Variants in ERBB3 observed in about 807,000 individuals in gnomAD.
ERBB3 encodes the protein erb-b2 receptor tyrosine kinase 3.
A neutral mutation model predicts 156.7 loss-of-function variants in ERBB3; 96 were observed. The observed-to-expected ratio is 0.61, with a 90% CI of 0.52 to 0.73. The LOEUF (loss-of-function observed/expected upper bound fraction) is 0.73. ERBB3 is among the 30% of genes least tolerant of loss of function. The probability of loss-of-function intolerance (pLI) is 0.00; values close to 1 mark genes in which losing one functional copy is unlikely to be tolerated. For missense variants in ERBB3, 1,406 were observed against 1,709.4 expected (o/e 0.82, Z 3.13); for synonymous variants, 567 against 632.0 (o/e 0.90, Z 1.54).
At chr12:56,093,596 G>A (rs1263811312) in intron 12 of ERBB3, 46 bp downstream of exon 12, 1 of 1,586,066 alleles carries the variant, frequency 6.3e-7, no homozygotes, top group Non-Finnish European at 8.6e-7. Flanking sequence ...GAGTCAGGGA[G>A]GAGAGGGCTG....
In ERBB3 at chr12:56,088,794, G is replaced by A. The variant is rs767516997; in HGVS notation, c.1035G>A (p.Ser345=). The A allele has an allele frequency of 2.4e-5, 38 of 1,613,928 alleles. No homozygotes were observed. Among genetic ancestry groups the A allele is most frequent in the East Asian group, 1.3e-4 (6 of 44,894 alleles). Residue 345 remains serine, a synonymous_variant, in exon 9 of 28, where the codon TCG becomes TCA. Coordinates refer to ENST00000267101, the MANE Select transcript of ERBB3 (RefSeq NM_001982.4). ...GGAGCCGCTTCCAGACTGTGGACTCGAGCAACATTGATGGATTTGTGAACT... is the reference window on the plus strand; with the variant it reads ...GGAGCCGCTTCCAGACTGTGGACTCAAGCAACATTGATGGATTTGTGAACT... ...GSGSRFQTVD[S]SNIDGFVNCT...
chr12:56,082,982 G>C (rs1475515237), intron 1 of ERBB3, among the ~76,000 whole-genome samples: 1 of 152,164 alleles, frequency 6.6e-6, no homozygotes, highest in African/African-American at 2.4e-5. Context: ...TGGGATGGGG[G>C]AGAGAGTGAG....
chr12:56,080,451 G>C, intron 1 of ERBB3, 69 bp downstream of exon 1: 1 of 1,294,440 alleles, frequency 7.7e-7, no homozygotes, highest in Non-Finnish European at 1.1e-6. Context: ...CAGCCTCGGA[G>C]GGTATGGGCA....
intron 17 of ERBB3, chr12:56,096,133 A>C (rs1228497041): frequency 2.8e-5 from 14 of 508,632 alleles, no homozygotes; most frequent in Non-Finnish European, 5.0e-5. Flanking sequence ...TTGTCCTTCC[A>C]GGATGGCTGT....
At position 56,085,053 on chromosome 12, in the gene ERBB3, C is replaced by T; in HGVS notation, c.293C>T (p.Pro98Leu). ...GCCATGAATGAATTCTCTACTCTAC[C>T]ATTGCCCAACCTCCGCGTGGTGCGA... ...LVAMNEFSTL[P>L]LPNLRVVRGT... Residue 98 changes from proline to leucine, a missense_variant, in exon 3 of 28, where the codon CCA (proline) becomes CTA (leucine). Transcript: ENST00000267101. 6.2e-7 allele frequency: 1 copy of T among 1,614,108 alleles called. No homozygotes were observed. Among genetic ancestry groups the T allele is most frequent in the East Asian group, 2.2e-5 (1 of 44,880 alleles).
chr12:56,095,164 G>GT (rs1868850506), intron 15 of ERBB3, 93 bp from the exon 16 acceptor site: 4 of 997,020 alleles, frequency 4.0e-6, no homozygotes, highest in Admixed American at 3.4e-5. Flanking sequence ...GGATGCCACG[G>GT]TAAGTTCTGA....
At chr12:56,097,759 A>T (rs930460338) in intron 20 of ERBB3, 26 bp from the exon 21 acceptor site, 3 of 1,610,348 alleles carry the variant, frequency 1.9e-6, no homozygotes, top group Non-Finnish European at 1.7e-6. Context: ...CAACCTTAAG[A>T]ATACTTTCTT....
Position 56,101,297 on chromosome 12 carries a change from C to T in ERBB3, c.3438C>T (p.Leu1146=). The change falls in exon 27 of 28, where the codon CTC becomes CTT. Residue 1146 remains leucine, a synonymous_variant. Coordinates refer to ENST00000267101, the MANE Select transcript of ERBB3 (RefSeq NM_001982.4). ...GTCTGCTGACTCCTGTTACCCCACTCTCCCCACCCGGGTTAGAGGAAGAGG... is the reference window on the plus strand; with the variant it reads ...GTCTGCTGACTCCTGTTACCCCACTTTCCCCACCCGGGTTAGAGGAAGAGG... ...RHSLLTPVTP[L]SPPGLEEEDV... 6.8e-6 allele frequency: 11 copies of T among 1,614,206 alleles called. No homozygotes were observed. The highest frequency in any genetic ancestry group is 9.3e-6 in the Non-Finnish European group (11 of 1,180,040).
At chr12:56,083,467 T>C in intron 1 of ERBB3, 1 of 458,846 alleles carries the variant, frequency 2.2e-6, no homozygotes, top group Non-Finnish European at 4.0e-6. Flanking sequence ...TCCTTCTCAG[T>C]TAACCCCTTA....
chr12:56,100,686 A>G (rs888149022), intron 26 of ERBB3, among the ~76,000 whole-genome samples: 3 of 150,692 alleles, frequency 2.0e-5, no homozygotes, highest in African/African-American at 7.3e-5. Flanking sequence ...TCACGCCTGT[A>G]ATCCTAGCAC....
In ERBB3 at chr12:56,101,695, G is replaced by A. The variant is rs2136830610; in HGVS notation, c.3669G>A (p.Glu1223=). The A allele has an allele frequency of 1.2e-6, 2 of 1,614,052 alleles. No individual in the cohort carries two copies. The highest frequency in any genetic ancestry group is 2.2e-5 in the East Asian group (1 of 44,888). The stretch of plus-strand genomic sequence containing the variant: ...GTTCCCTTGAGGAGCTGGGTTATGA[G>A]TACATGGATGTGGGGTCAGACCTCA... ...RPSSLEELGY[E]YMDVGSDLSA... Residue 1223 remains glutamate, a synonymous_variant, in exon 28 of 28, where the codon GAG becomes GAA. Coordinates refer to ENST00000267101, the MANE Select transcript of ERBB3 (RefSeq NM_001982.4).
intron 26 of ERBB3, 117 bp from the exon 27 acceptor site, chr12:56,100,939 CAAAAA>C (rs10536745): frequency 4.8e-3 from 1,445 of 299,378 alleles, no homozygotes; most frequent in Middle Eastern, 0.01. Flanking sequence ...GACTCCACCT[CAAAAA>C]AAAAAAAAAA....
chr12:56,092,365 G>A (rs1159122318), intron 9 of ERBB3, among the ~76,000 whole-genome samples: 1 of 122,574 alleles, frequency 8.2e-6, no homozygotes, highest in African/African-American at 3.2e-5. Flanking sequence ...ACTCCAGCCT[G>A]GGCGATAGAG....
Position 56,098,249 on chromosome 12 carries a change from A to T in ERBB3, c.2617-251A>T, listed in dbSNP as rs1435876284. The T allele has an allele frequency of 0.031, 11 of 354 alleles. No homozygotes were observed. The Admixed American group carries it at 0.35, about 11-fold the overall frequency. The allele number at this position is 354 out of a possible 1,614,324, so 0.0% of individuals were successfully genotyped here. On this transcript the variant is annotated intron_variant, in intron 21 of 27. Coordinates refer to ENST00000267101, the MANE Select transcript of ERBB3 (RefSeq NM_001982.4). ...GAAACCCCGTCTCTACTAAATATAC[A>T]AAAAAAAAAAAAATTAGCCAGGCGT...
rs773923119 is a variant in ERBB3 at position 56,096,483 on chromosome 12, C to A, written c.2056-20C>A. ...TGGGAATGGCCTTTCCTGAGTAACT[C>A]CTTCCCATTTGCTCCTCAGAGCATA... On this transcript the variant is annotated intron_variant, in intron 17 of 27. Coordinates refer to ENST00000267101, the MANE Select transcript of ERBB3 (RefSeq NM_001982.4). The A allele has an allele frequency of 6.2e-7, 1 of 1,613,470 alleles. No individual in the cohort carries two copies. The highest frequency in any genetic ancestry group is 1.1e-5 in the South Asian group (1 of 91,044).
Position 56,097,952 on chromosome 12 carries a change from C to G in ERBB3, c.2616+12C>G, listed in dbSNP as rs2136820533. On this transcript the variant is annotated intron_variant, in intron 21 of 27. Coordinates refer to ENST00000267101, the MANE Select transcript of ERBB3 (RefSeq NM_001982.4). ...ACAGTGAGGCCAAGGTGAGGAGACA[C>G]AAAGGGTAAGGAGGCGGGGGTGGAG... is the stretch of plus-strand genomic sequence containing the variant. The G allele has an allele frequency of 6.2e-7, 1 of 1,612,562 alleles. No homozygotes were observed. The highest frequency in any genetic ancestry group is 8.5e-7 in the Non-Finnish European group (1 of 1,179,900).
At chr12:56,095,868 T>A (rs1868874219) in intron 17 of ERBB3, 62 bp downstream of exon 17, 13 of 1,592,418 alleles carry the variant, frequency 8.2e-6, no homozygotes, top group Non-Finnish European at 1.1e-5. Flanking sequence ...GAAGTCTCTT[T>A]ATAGCTTAAT....
At chr12:56,086,000 C>T (rs531638192) in intron 3 of ERBB3, among the ~76,000 whole-genome samples, 707 of 130,864 alleles carry the variant, frequency 5.4e-3, no homozygotes, top group South Asian at 0.015. Context: ...ACCCGGGAGG[C>T]GGAGCTTGCA....
chr12:56,097,749 C>A (rs753041411), intron 20 of ERBB3, 36 bp from the exon 21 acceptor site: 4 of 1,604,572 alleles, frequency 2.5e-6, no homozygotes, highest in Non-Finnish European at 3.4e-6. Context: ...CTGATTCCCC[C>A]AACCTTAAGA....
Sources: gnomAD v4.1 joint callset for allele counts (sites outside exome capture counted in the v4.1 genomes callset) on GRCh38, gnomAD v4.1.1 for gene constraint, MANE v1.5 for transcripts, NCBI Gene and HGNC (gene_info 2026-07-23, HGNC 2026-07-21) for gene names.